DMXL1: variants seen among roughly 807,000 people sequenced by gnomAD.
DMXL1 encodes Dmx like 1, also known as dmX-like protein 1.
DMXL1 carries 99 observed loss-of-function variants against 319.2 expected under a neutral mutation model. That is an observed-to-expected ratio of 0.31 (90% CI 0.26 to 0.37). DMXL1 has a LOEUF of 0.37. DMXL1 is among the 10% of genes least tolerant of loss of function. The pLI is 1.00. For missense variants in DMXL1, 3,745 were observed against 3,595.6 expected, an observed-to-expected ratio of 1.04 and a Z score of -1.06; for synonymous variants, 1,385 against 1,235.2, an observed-to-expected ratio of 1.12 and a Z score of -2.54.
At chr5:119,218,082 A>C (rs1015086194) in intron 35 of DMXL1, among the ~76,000 whole-genome samples, 15 of 152,096 alleles carry the variant, frequency 9.9e-5, no homozygotes, top group African/African-American at 3.6e-4. Flanking sequence ...TACATGTCAA[A>C]TACAAAATTA....
In DMXL1 at chr5:119,140,434, C is replaced by G. The variant is rs561127634; in HGVS notation, c.2377-3407C>G. Among the ~76,000 whole-genome samples, 3 of 152,252 alleles carry G rather than the reference C, an allele frequency of 2.0e-5. No individual in the cohort carries two copies. In the South Asian group the frequency reaches 6.2e-4, roughly 32 times the overall value. On this transcript the variant is annotated intron_variant, in intron 13 of 43. Transcript: ENST00000539542. ...GAAATTACCAAGGGAATGTTAACCACTGACTCTACAGAAATAAAAACAATA... is the reference window on the plus strand; with the variant it reads ...GAAATTACCAAGGGAATGTTAACCAGTGACTCTACAGAAATAAAAACAATA...
intron 9 of DMXL1, among the ~76,000 whole-genome samples, chr5:119,125,542 G>T (rs79030826): frequency 0.013 from 2,051 of 152,126 alleles, 42 homozygotes; most frequent in African/African-American, 0.047. Flanking sequence ...GATTTTGTGT[G>T]TGTATATATA....
intron 10 of DMXL1, chr5:119,132,887 A>G: frequency 3.4e-6 from 2 of 579,906 alleles, no homozygotes; most frequent in Non-Finnish European, 6.2e-6. Context: ...AAGAAACTAG[A>G]TCTCAAAGTA....
chr5:119,120,178 C>T (rs747416512), intron 8 of DMXL1, among the ~76,000 whole-genome samples: 12 of 152,172 alleles, frequency 7.9e-5, no homozygotes, highest in East Asian at 3.8e-4. Context: ...GGATCACAGG[C>T]GTGAGCCACC....
intron 2 of DMXL1, among the ~76,000 whole-genome samples, chr5:119,098,410 T>C (rs2149783489): frequency 6.6e-6 from 1 of 151,930 alleles, no homozygotes; most frequent in South Asian, 2.1e-4. Flanking sequence ...CAATGAATCT[T>C]CAATATTTAC....
At position 119,175,353 on chromosome 5, in the gene DMXL1, T is replaced by C. The variant is rs747106455; in HGVS notation, c.6758+16T>C. ...ATAACTACAGGTAACTATCTTTTTA[T>C]GAAATTTAAGAATGCTTACAGTAAG... On this transcript the variant is annotated intron_variant, in intron 26 of 43. Coordinates refer to ENST00000539542, the MANE Select transcript of DMXL1 (RefSeq NM_001290321.3). 2.6e-5 allele frequency: 42 copies of C among 1,586,170 alleles called. No individual in the cohort carries two copies. Among genetic ancestry groups the C allele is most frequent in the Non-Finnish European group, 3.6e-5 (42 of 1,157,642 alleles).
Position 119,170,815 on chromosome 5 carries a change from C to G in DMXL1, c.6024C>G (p.Phe2008Leu), listed in dbSNP as rs749866614. Residue 2008 changes from phenylalanine to leucine, a missense_variant, in exon 24 of 44, where the codon TTC (phenylalanine) becomes TTG (leucine). Phe to Leu is a conservative substitution (Grantham distance 22). Coordinates refer to ENST00000539542, the MANE Select transcript of DMXL1 (RefSeq NM_001290321.3). ...TAAGTTCTAACTACACAGAATCTTT[C>G]AGCACACTAGATGAAAATGACCTTT... Reference protein sequence around the residue: ...DDISSNYTESFSTLDENDLLN... With the variant: ...DDISSNYTESLSTLDENDLLN... 19 of 1,611,290 alleles carry G rather than the reference C, an allele frequency of 1.2e-5. No individual in the cohort carries two copies. Among genetic ancestry groups the G allele is most frequent in the Non-Finnish European group, 1.6e-5 (19 of 1,179,404 alleles).
chr5:119,202,581 A>C (rs954176671), intron 32 of DMXL1, among the ~76,000 whole-genome samples: 1 of 151,760 alleles, frequency 6.6e-6, no homozygotes, highest in Non-Finnish European at 1.5e-5. Context: ...ATAATTTCTC[A>C]CCTTCACTGC....
Position 119,164,546 on chromosome 5 carries a change from T to C in DMXL1, c.4742T>C (p.Val1581Ala), listed in dbSNP as rs2150225421. 1 of 1,614,092 alleles carries C rather than the reference T, an allele frequency of 6.2e-7. No homozygotes were observed. The highest frequency in any genetic ancestry group is 1.1e-5 in the South Asian group (1 of 91,070). Residue 1581 changes from valine (V) to alanine (A), a missense_variant, in exon 20 of 44, where the codon GTA (valine) becomes GCA (alanine). Transcript: ENST00000539542. ...CATTTTGCTTGGGCATTTCACTCAG[T>C]AGCAGAAGAAGAACTGCTGAACATG... Reference protein sequence around the residue: ...TSHFAWAFHSVAEEELLNMLP... With the variant: ...TSHFAWAFHSAAEEELLNMLP...
At chr5:119,087,791 GT>G (rs1334259509) in intron 1 of DMXL1, among the ~76,000 whole-genome samples, 3 of 151,746 alleles carry the variant, frequency 2.0e-5, no homozygotes, top group Non-Finnish European at 4.4e-5. Flanking sequence ...ATCTATTCAT[GT>G]TTGCTTTATT....
intron 5 of DMXL1, among the ~76,000 whole-genome samples, chr5:119,112,123 G>A (rs916554246): frequency 2.6e-5 from 4 of 152,204 alleles, no homozygotes; most frequent in African/African-American, 7.2e-5. Context: ...CACCATGCCC[G>A]GCTAATTTTT....
At chr5:119,235,934 A>C (rs560587356) in intron 39 of DMXL1, among the ~76,000 whole-genome samples, 2 of 152,108 alleles carry the variant, frequency 1.3e-5, no homozygotes, top group Non-Finnish European at 2.9e-5. Flanking sequence ...CTTTCTGAAG[A>C]ACATACCTAG....
intron 17 of DMXL1, among the ~76,000 whole-genome samples, chr5:119,147,768 C>G (rs1021104371): frequency 2.6e-5 from 4 of 152,158 alleles, no homozygotes; most frequent in African/African-American, 9.7e-5. Context: ...ACTTTATTTG[C>G]AGACTTTGAT....
intron 1 of DMXL1, among the ~76,000 whole-genome samples, chr5:119,075,303 G>C (rs1750577902): frequency 6.9e-6 from 1 of 144,554 alleles, no homozygotes; most frequent in Non-Finnish European, 1.5e-5. Context: ...GCAGTGGTGT[G>C]ATCTCAGCTC....
Position 119,101,185 on chromosome 5 carries a change from C to T in DMXL1, c.214-750C>T, listed in dbSNP as rs573469520. 6.6e-5 allele frequency among the ~76,000 whole-genome samples: 10 copies of T among 152,298 alleles called. 1 individual carries two copies. In the South Asian group the frequency reaches 2.1e-3, roughly 32 times the overall value. ...CCCAAACTAAACACTTCCTCCAGAT[C>T]AATGCAGCACAAGTGATATCTATAT... On this transcript the variant is annotated intron_variant, in intron 2 of 43. Coordinates refer to ENST00000539542, the MANE Select transcript of DMXL1 (RefSeq NM_001290321.3).
intron 19 of DMXL1, among the ~76,000 whole-genome samples, chr5:119,162,576 G>C (rs546875535): frequency 6.6e-6 from 1 of 152,118 alleles, no homozygotes; most frequent in Non-Finnish European, 1.5e-5. Flanking sequence ...TCCCATTCAC[G>C]AGGGCAATGG....
In DMXL1 at chr5:119,165,190, A is replaced by C; in HGVS notation, c.4880A>C (p.Lys1627Thr). ...ILRKCIEKVA[K>T]AAFYRKNDPL... ...AATATTTTTTGATTATAGGTAGCTA[A>C]AGCAGCCTTTTATAGAAAGAATGAT... Residue 1627 changes from lysine to threonine, a missense_variant, in exon 21 of 44, where the codon AAA (lysine) becomes ACA (threonine). Transcript: ENST00000539542. 1 of 1,585,106 alleles carries C rather than the reference A, an allele frequency of 6.3e-7. No homozygotes were observed. The highest frequency in any genetic ancestry group is 1.2e-5 in the South Asian group (1 of 84,734).
At chr5:119,164,854 T>C (rs1031206253) in intron 20 of DMXL1, among the ~76,000 whole-genome samples, 178 bp downstream of exon 20, 9 of 152,210 alleles carry the variant, frequency 5.9e-5, no homozygotes. Context: ...TTAAAATGTA[T>C]ATTCTAATTC....
intron 32 of DMXL1, among the ~76,000 whole-genome samples, chr5:119,199,079 G>A (rs139011434): frequency 6.6e-6 from 1 of 152,038 alleles, no homozygotes; most frequent in Non-Finnish European, 1.5e-5. Context: ...GTAGAGACAG[G>A]GTTTCACCTT....
Sources: gnomAD v4.1 joint callset for allele counts (sites outside exome capture counted in the v4.1 genomes callset) on GRCh38, gnomAD v4.1.1 for gene constraint, MANE v1.5 for transcripts, NCBI Gene and HGNC (gene_info 2026-07-23, HGNC 2026-07-21) for gene names.